The following TSC2 variants were observed in gnomAD, a reference collection of about 807,000 sequenced individuals.
The protein encoded by TSC2 is TSC complex subunit 2, also known as tuberin.
TSC2 carries 29 observed loss-of-function variants against 202.2 expected under a neutral mutation model. That is an observed-to-expected ratio of 0.14 (90% confidence interval 0.11 to 0.20). The LOEUF (loss-of-function observed/expected upper bound fraction) is 0.20. Among genes scored for constraint, TSC2 ranks in the 10% least tolerant of loss-of-function variants. The pLI is 1.00. For synonymous variants in TSC2, 1,349 were observed against 1,044.0 expected, an observed-to-expected ratio of 1.29 and a Z score of -5.63; for missense variants, 2,429 against 2,420.0, an observed-to-expected ratio of 1.00 and a Z score of -0.08.
At chr16:2,049,694 T>C (rs539418858) in intron 2 of TSC2, among the ~76,000 whole-genome samples, 56 of 151,492 alleles carry the variant, frequency 3.7e-4, no homozygotes, top group African/African-American at 1.2e-3. Context: ...GTCATAGTGG[T>C]GGGCGCCTGT....
At chr16:2,085,810 T>G (rs1404329348) in intron 36 of TSC2, among the ~76,000 whole-genome samples, 2 of 152,054 alleles carry the variant, frequency 1.3e-5, no homozygotes, top group East Asian at 1.9e-4. Flanking sequence ...CTGGGCTGCT[T>G]CTGAGCAGAG....
intron 3 of TSC2, among the ~76,000 whole-genome samples, chr16:2,051,168 T>C (rs938235986): frequency 6.6e-6 from 1 of 151,606 alleles, no homozygotes; most frequent in African/African-American, 2.4e-5. Flanking sequence ...TACTAAAAGA[T>C]GATGAGCCGG....
intron 4 of TSC2, chr16:2,053,743 C>T: frequency 6.8e-6 from 4 of 586,574 alleles, no homozygotes; most frequent in Non-Finnish European, 1.3e-5. Flanking sequence ...TCGTACCTGG[C>T]AGCTGGTGTG....
chr16:2,070,999 G>GC (rs1489626363), intron 17 of TSC2, among the ~76,000 whole-genome samples: 2 of 152,120 alleles, frequency 1.3e-5, no homozygotes, highest in African/African-American at 2.4e-5. Flanking sequence ...GCAGGGCAGG[G>GC]ATGGGCAGAA....
intron 12 of TSC2, 33 bp from the exon 13 acceptor site, chr16:2,062,464 G>A (rs370805403): frequency 1.1e-4 from 175 of 1,575,966 alleles, no homozygotes; most frequent in Non-Finnish European, 1.5e-4. Context: ...CGCCGGAGGG[G>A]CAGAGGGGCA....
In TSC2 at chr16:2,057,094, G is replaced by A; in HGVS notation, c.775-11G>A. 6.4e-7 allele frequency: 1 copy of A among 1,551,210 alleles called. No individual in the cohort carries two copies. ...TGCCTGCCAGCCCCTGACACGCATT[G>A]TGTCTCGCAGCTGATGCGGAACCTC... On this transcript the variant is annotated splice_polypyrimidine_tract_variant and intron_variant, in intron 8 of 41. Transcript: ENST00000219476.
rs2151624592 is a variant in TSC2 at position 2,088,156 on chromosome 16, C to T, written c.5160+17C>T. On this transcript the variant is annotated intron_variant, in intron 40 of 41. Coordinates refer to ENST00000219476, the MANE Select transcript of TSC2 (RefSeq NM_000548.5). ...CACGCAAATGTGAGTGGGGGTGGGT[C>T]CAGGCGTGAGCTGGTGGGACAGGCC... 1 of 1,613,008 alleles carries T rather than the reference C, an allele frequency of 6.2e-7. No homozygotes were observed.
intron 8 of TSC2, 94 bp from the exon 9 acceptor site, chr16:2,057,011 C>G (rs2085934150): frequency 3.3e-6 from 5 of 1,500,906 alleles, no homozygotes; most frequent in Non-Finnish European, 4.5e-6. Flanking sequence ...CCTTGGGTGG[C>G]TATAGGGCAG....
Position 2,084,563 on chromosome 16 carries a change from C to G in TSC2, c.4341C>G (p.Ser1447=). The part of the protein sequence containing the change: ...SRGQPEGPLP[S]SSPRSPSGLR... ...GCCAGCCCGAGGGTCCCTTGCCTTCCAGCTCCCCCCGCTCGCCCAGTGGCC... is the reference window on the plus strand; with the variant it reads ...GCCAGCCCGAGGGTCCCTTGCCTTCGAGCTCCCCCCGCTCGCCCAGTGGCC... The change falls in exon 34 of 42, where the codon TCC becomes TCG. Residue 1447 remains serine (S), a synonymous_variant. Coordinates refer to ENST00000219476, the MANE Select transcript of TSC2 (RefSeq NM_000548.5). 6.2e-7 allele frequency: 1 copy of G among 1,608,374 alleles called. No individual in the cohort carries two copies. The highest frequency in any genetic ancestry group is 8.5e-7 in the Non-Finnish European group (1 of 1,179,690).
In TSC2 at chr16:2,076,484, C is replaced by G. The variant is rs566118686; in HGVS notation, c.2743-7C>G. On this transcript the variant is annotated splice_polypyrimidine_tract_variant and splice_region_variant and intron_variant, in intron 24 of 41. Transcript: ENST00000219476. ...CCCTCACTGTCTGGGTGTGCTCACT[C>G]TGCCAGGGCCTGCGGTCCAATGTCC... The G allele has an allele frequency of 2.5e-5, 40 of 1,613,342 alleles. No homozygotes were observed. The Admixed American group carries it at 6.3e-4, about 26-fold the overall frequency.
rs144122318 is a variant in TSC2 at position 2,070,470 on chromosome 16, C to G, written c.1731C>G (p.Thr577=). The G allele has an allele frequency of 6.2e-7, 1 of 1,613,376 alleles. No homozygotes were observed. The highest frequency in any genetic ancestry group is 1.3e-5 in the African/African-American group (1 of 75,050). ...LLVILQTKLY[T]LPASHATRVY... ...TCTCTCTGCAGACCAAGCTGTACAC[C>G]CTGCCTGCAAGCCACGCCACGCGTG... The change falls in exon 17 of 42, where the codon ACC becomes ACG. Residue 577 remains threonine (T), a synonymous_variant. Transcript: ENST00000219476.
chr16:2,062,160 G>A, intron 12 of TSC2, 152 bp downstream of exon 12: 1 of 1,169,108 alleles, frequency 8.6e-7, no homozygotes, highest in South Asian at 1.4e-5. Flanking sequence ...AGGCTGGCAG[G>A]CACAGCACGT....
chr16:2,072,467 T>G (rs1420099713), intron 20 of TSC2, 104 bp downstream of exon 20: 1 of 1,523,384 alleles, frequency 6.6e-7, no homozygotes, highest in Non-Finnish European at 8.9e-7. Flanking sequence ...GGGCTCGGGC[T>G]CCATTTCCCT....
chr16:2,064,537 G>T, intron 15 of TSC2, 110 bp downstream of exon 15: 1 of 1,535,690 alleles, frequency 6.5e-7, no homozygotes, highest in South Asian at 1.2e-5. Flanking sequence ...GGCTGTGTCC[G>T]TAGGTGAGGC....
rs757735638 is a variant in TSC2 at position 2,058,905 on chromosome 16, A to C, written c.975+32A>C. ...CGGTTTCTGTGTGCAGTGAGCTGGC[A>C]GGAACGGGAGAGCTCCCCTCACGCC... On this transcript the variant is annotated intron_variant, in intron 10 of 41. Coordinates refer to ENST00000219476, the MANE Select transcript of TSC2 (RefSeq NM_000548.5). The C allele has an allele frequency of 4.4e-6, 7 of 1,598,496 alleles. No individual in the cohort carries two copies. The South Asian group carries it at 7.9e-5, about 18-fold the overall frequency.
chr16:2,072,924 G>A lies in TSC2; in HGVS notation c.2296G>A (p.Val766Met), dbSNP rs150672640. 151 of 1,613,638 alleles carry A rather than the reference G, an allele frequency of 9.4e-5. No individual in the cohort carries two copies. The African/African-American group carries it at 1.4e-3, about 15-fold the overall frequency. The change falls in exon 21 of 42, where the codon GTG (valine) becomes ATG (methionine). Residue 766 changes from valine (V) to methionine (M), a missense_variant. Val to Met is a conservative substitution (Grantham distance 21, BLOSUM62 1). Transcript: ENST00000219476. Reference sequence around the variant, plus strand: ...CTCCAGAACTGACTTGCACCTGGCCGTGGTTCCAGTGCTGACAGCATTAAT... The same window carrying A: ...CTCCAGAACTGACTTGCACCTGGCCATGGTTCCAGTGCTGACAGCATTAAT... ...GFSRTDLHLA[V>M]VPVLTALISY...
chr16:2,083,668 C>G, intron 32 of TSC2, 27 bp from the exon 33 acceptor site: 1 of 1,564,416 alleles, frequency 6.4e-7, no homozygotes. Context: ...AGCCCCACAT[C>G]CAGCAGCCCC....
At position 2,079,035 on chromosome 16, in the gene TSC2, G is replaced by C. The variant is rs1317631053; in HGVS notation, c.2970G>C (p.Arg990Ser). ...ISVSEHVVRS[R>S]IQTSLTSASL... ...TGGTCACGGCCTCTCCCTCCAGCAG[G>C]ATACAGACGTCCCTCACCAGTGCCA... The change falls in exon 27 of 42, where the codon AGG (arginine) becomes AGC (serine). Residue 990 changes from arginine (R) to serine (S), a missense_variant. Arg to Ser is a moderately radical substitution (Grantham distance 110, BLOSUM62 -1). Coordinates refer to ENST00000219476, the MANE Select transcript of TSC2 (RefSeq NM_000548.5). The surrounding 1 kb of genome is among the most constrained non-coding windows in gnomAD (Gnocchi z 4.6). 6.2e-7 allele frequency: 1 copy of C among 1,612,686 alleles called. No homozygotes were observed. The highest frequency in any genetic ancestry group is 8.5e-7 in the Non-Finnish European group (1 of 1,180,006).
intron 10 of TSC2, 81 bp from the exon 11 acceptor site, chr16:2,060,589 C>T (rs564007590): frequency 1.6e-5 from 25 of 1,608,472 alleles, no homozygotes; most frequent in Admixed American, 1.3e-4. Context: ...GTGCTACTCT[C>T]GGTCCCAAGG....
Sources: gnomAD v4.1 joint callset for allele counts (sites outside exome capture counted in the v4.1 genomes callset) on GRCh38, gnomAD v4.1.1 for gene constraint, Gnocchi (gnomAD v3.1) non-coding constraint, MANE v1.5 for transcripts, NCBI Gene and HGNC (gene_info 2026-07-23, HGNC 2026-07-21) for gene names.